Variants in EMILIN2 observed in about 807,000 individuals in gnomAD.
EMILIN2 encodes the protein elastin microfibril interfacer 2.
EMILIN2 carries 71 observed loss-of-function variants against 87.1 expected under a neutral mutation model. The ratio of observed to expected loss-of-function variants is 0.82; its 90% confidence interval spans 0.67 to 0.99. EMILIN2 has a LOEUF of 0.99. Ranked by LOEUF, EMILIN2 falls within the 50% of genes least tolerant of loss-of-function variation. EMILIN2 has a pLI of 0.00. For missense variants in EMILIN2, 1,407 were observed against 1,371.8 expected (o/e 1.03, Z -0.40); for synonymous variants, 581 against 563.4 (o/e 1.03, Z -0.44).
At position 2,900,869 on chromosome 18, in the gene EMILIN2, T is replaced by TA. The variant is rs550725464; in HGVS notation, c.2360-5906dup. ...TATGTCAGCACTTTGATGCTTTTTT[T>TA]AAAAAAAAGTCTGAAGTCTTGATCA... is the stretch of plus-strand genomic sequence containing the variant. On this transcript the variant is annotated intron_variant, in intron 4 of 7. Coordinates refer to ENST00000254528, the MANE Select transcript of EMILIN2 (RefSeq NM_032048.3). 1.5e-3 allele frequency among the ~76,000 whole-genome samples: 230 copies of TA among 152,118 alleles called. 1 individual carries two copies. Among genetic ancestry groups the TA allele is most frequent in the African/African-American group, 5.1e-3 (210 of 41,520 alleles).
rs2076827412 is a variant in EMILIN2, at chr18:2,890,198, G to T, written c.434-363G>T. Among the ~76,000 whole-genome samples, 1 of 152,182 alleles carries T rather than the reference G, an allele frequency of 6.6e-6. No homozygotes were observed. The highest frequency in any genetic ancestry group is 1.5e-5 in the Non-Finnish European group (1 of 68,030). On this transcript the variant is annotated intron_variant, in intron 3 of 7. Coordinates refer to ENST00000254528, the MANE Select transcript of EMILIN2 (RefSeq NM_032048.3). The surrounding 1 kb of genome is among the most constrained non-coding windows in gnomAD (Gnocchi z 4.7). ...AATGAAGTGTTCATATGATAAAGCG[G>T]ATAATGAATATTTCCCCTCAGGGTG...
intron 5 of EMILIN2, among the ~76,000 whole-genome samples, chr18:2,908,149 C>T (rs1265885588): frequency 6.6e-6 from 1 of 152,226 alleles, no homozygotes; most frequent in African/African-American, 2.4e-5. Context: ...TAAGATAACA[C>T]TTATCTTCTG....
chr18:2,875,382 G>A (rs919227011), intron 2 of EMILIN2, among the ~76,000 whole-genome samples: 3 of 152,206 alleles, frequency 2.0e-5, no homozygotes, highest in Admixed American at 6.5e-5. Flanking sequence ...GGGAGGGATC[G>A]TGAGACCAGT....
Position 2,913,405 on chromosome 18 carries a change from G to A in EMILIN2, c.*1G>A, listed in dbSNP as rs1245739071. 37 of 1,574,478 alleles carry A rather than the reference G, an allele frequency of 2.3e-5. No homozygotes were observed. Among genetic ancestry groups the A allele is most frequent in the Non-Finnish European group, 2.8e-5 (32 of 1,162,456 alleles). ...ATATCCTTTCCTTTCCCACCTCTAAGGTGGCTGGGGAGATGTCAGGGGAAA... is the reference window on the plus strand; with the variant it reads ...ATATCCTTTCCTTTCCCACCTCTAAAGTGGCTGGGGAGATGTCAGGGGAAA... On this transcript the variant is annotated 3_prime_UTR_variant, in exon 8 of 8. Transcript: ENST00000254528.
At chr18:2,858,569 A>ATGTGTGTGTGTGTGTG (rs1178571289) in intron 2 of EMILIN2, among the ~76,000 whole-genome samples, 7 of 55,374 alleles carry the variant, frequency 1.3e-4, no homozygotes, top group African/African-American at 7.1e-4. Flanking sequence ...ATATATATAT[A>ATGTGTGTGTGTGTGTG]TGTGTGTGTG....
chr18:2,888,928 A>G (rs1285003386), intron 3 of EMILIN2, among the ~76,000 whole-genome samples: 5 of 152,142 alleles, frequency 3.3e-5, no homozygotes, highest in Non-Finnish European at 5.9e-5. Flanking sequence ...TGATCGTTGA[A>G]TTCAAATATC....
At chr18:2,862,591 G>T (rs1226372751) in intron 2 of EMILIN2, among the ~76,000 whole-genome samples, 3 of 152,158 alleles carry the variant, frequency 2.0e-5, no homozygotes, top group Admixed American at 1.3e-4. Flanking sequence ...TGGTGGATAA[G>T]CTTTTTGATG....
intron 4 of EMILIN2, among the ~76,000 whole-genome samples, chr18:2,895,726 A>G (rs2076860476): frequency 6.6e-6 from 1 of 152,216 alleles, no homozygotes; most frequent in Admixed American, 6.5e-5. Context: ...GTCAAGGGAA[A>G]GTGGAAGCTG....
intron 2 of EMILIN2, among the ~76,000 whole-genome samples, chr18:2,877,941 G>A (rs989602855): frequency 3.3e-5 from 5 of 152,202 alleles, no homozygotes; most frequent in African/African-American, 1.2e-4. Context: ...AGTGAAATAA[G>A]CCAGTCGCAA....
chr18:2,907,032 G>A lies in EMILIN2; in HGVS notation c.2609G>A (p.Gly870Asp), dbSNP rs1259251533. Reference sequence around the variant, plus strand: ...CGGGGTCTGCCGCGGGGCGTGGACGGCCAGACCGGGAGCGGCACCGTCCCC... The same window carrying A: ...CGGGGTCTGCCGCGGGGCGTGGACGACCAGACCGGGAGCGGCACCGTCCCC... ...SGRGLPRGVDGQTGSGTVPGA... is the reference protein window; with the variant it reads ...SGRGLPRGVDDQTGSGTVPGA... The change falls in exon 5 of 8, where the codon GGC becomes GAC. Residue 870 changes from glycine to aspartate, a missense_variant. By Grantham distance (94) the Gly-to-Asp change is moderately conservative. Coordinates refer to ENST00000254528, the MANE Select transcript of EMILIN2 (RefSeq NM_032048.3). 1.5e-6 allele frequency: 2 copies of A among 1,299,328 alleles called. No homozygotes were observed. The highest frequency in any genetic ancestry group is 3.1e-5 in the African/African-American group (2 of 64,940). 80.5% of individuals were successfully genotyped at this position (1,299,328 alleles called of 1,614,324 possible). A position where few individuals can be genotyped will look rare whatever the true frequency, so the allele number is the denominator to read the frequency against.
At chr18:2,887,241 T>C (rs2076807558) in intron 3 of EMILIN2, among the ~76,000 whole-genome samples, 1 of 152,224 alleles carries the variant, frequency 6.6e-6, no homozygotes, top group African/African-American at 2.4e-5. Context: ...CCCAGTTTTT[T>C]GTGTGTGACT....
At chr18:2,911,527 C>T (rs1027366057) in intron 7 of EMILIN2, among the ~76,000 whole-genome samples, 5 of 152,236 alleles carry the variant, frequency 3.3e-5, no homozygotes, top group Non-Finnish European at 7.3e-5. Context: ...TTCTGTGGTG[C>T]TGGCTGCAAC....
At chr18:2,850,001 A>G (rs903583376) in intron 2 of EMILIN2, among the ~76,000 whole-genome samples, 1 of 151,954 alleles carries the variant, frequency 6.6e-6, no homozygotes, top group African/African-American at 2.4e-5. Context: ...ATCTTGGCTC[A>G]CTGCAACAAC....
rs1265439926 is a variant in EMILIN2, at chr18:2,894,495, TGTG to T, written c.2359+2013_2359+2015del. Among the ~76,000 whole-genome samples, 5 of 152,298 alleles carry T rather than the reference TGTG, an allele frequency of 3.3e-5. 1 individual carries two copies. The highest frequency in any genetic ancestry group is 9.6e-5 in the African/African-American group (4 of 41,550). Reference sequence around the variant, plus strand: ...ATGTGTTCATAGAATGATTGTCCCTTGTGGTGACAACGCTGTCTGGTCTGTGTC... The same window carrying T: ...ATGTGTTCATAGAATGATTGTCCCTTGTGACAACGCTGTCTGGTCTGTGTC... On this transcript the variant is annotated intron_variant, in intron 4 of 7. Transcript: ENST00000254528. This position sits in a 1 kb window ranked among gnomAD's most constrained non-coding sequence, Gnocchi z 5.0.
Position 2,914,431 on chromosome 18 carries a change from AAGC to A in EMILIN2, c.*1033_*1035del, listed in dbSNP as rs1257827451. ...CAGCTCGCCGAGCTCTTGGGTTTCT[AAGC>A]AGCAGGAAGCTCAACCTAACGCTGG... On this transcript the variant is annotated 3_prime_UTR_variant, in exon 8 of 8. Transcript: ENST00000254528. 6.6e-6 allele frequency: 1 copy of A among 152,188 alleles called. No individual in the cohort carries two copies. The highest frequency in any genetic ancestry group is 6.5e-5 in the Admixed American group (1 of 15,272). 9.4% of individuals were successfully genotyped at this position (152,188 alleles called of 1,614,324 possible).
At position 2,894,274 on chromosome 18, in the gene EMILIN2, G is replaced by A. The variant is rs2076853461; in HGVS notation, c.2359+1788G>A. Among the ~76,000 whole-genome samples, 1 of 152,160 alleles carries A rather than the reference G, an allele frequency of 6.6e-6. No homozygotes were observed. The highest frequency in any genetic ancestry group is 1.5e-5 in the Non-Finnish European group (1 of 68,010). ...GAGGGTCCGAGGTAGGTGGGAAAAT[G>A]CCCTGGATGTCCCCAGAGCACTGTG... On this transcript the variant is annotated intron_variant, in intron 4 of 7. Transcript: ENST00000254528. This position sits in a 1 kb window ranked among gnomAD's most constrained non-coding sequence, Gnocchi z 5.0.
In EMILIN2 at chr18:2,848,428, T is replaced by C. The variant is rs2076587268; in HGVS notation, c.257+497T>C. ...AAACGGAATCTTCCAGTTTTGTAGA[T>C]GTCTAAGCTAAAACCTCAGGAACAC... On this transcript the variant is annotated intron_variant, in intron 2 of 7. Transcript: ENST00000254528. The surrounding 1 kb of genome is among the most constrained non-coding windows in gnomAD (Gnocchi z 4.1). Among the ~76,000 whole-genome samples, 2 of 152,268 alleles carry C rather than the reference T, an allele frequency of 1.3e-5. No homozygotes were observed. The highest frequency in any genetic ancestry group is 4.1e-4 in the South Asian group (2 of 4,826).
chr18:2,905,055 A>T (rs764077143), intron 4 of EMILIN2, among the ~76,000 whole-genome samples: 61 of 152,084 alleles, frequency 4.0e-4, no homozygotes, highest in Non-Finnish European at 6.6e-4. Flanking sequence ...TCTCTGTCTA[A>T]CCCAGCCTTT....
rs760832264 is a variant in EMILIN2 at position 2,848,214 on chromosome 18, G to C, written c.257+283G>C. 6.6e-6 allele frequency among the ~76,000 whole-genome samples: 1 copy of C among 152,198 alleles called. No individual in the cohort carries two copies. Among genetic ancestry groups the C allele is most frequent in the Non-Finnish European group, 1.5e-5 (1 of 68,036 alleles). On this transcript the variant is annotated intron_variant, in intron 2 of 7. Transcript: ENST00000254528. This position sits in a 1 kb window ranked among gnomAD's most constrained non-coding sequence, Gnocchi z 4.1. ...GAACAAAGCTCCCACTCCCACTTCT[G>C]TTTTCTCCCTTTCAATGTTTGTTTG...
Sources: allele counts gnomAD v4.1 joint callset (sites outside exome capture counted in the v4.1 genomes callset), GRCh38; gene constraint gnomAD v4.1.1; non-coding constraint Gnocchi (gnomAD v3.1); transcripts MANE v1.5; gene names NCBI Gene and HGNC (gene_info 2026-07-23, HGNC 2026-07-21).